Variants in FRMD4B observed in about 807,000 individuals in gnomAD.
The protein encoded by FRMD4B is FERM domain containing 4B.
A neutral mutation model predicts 141.5 loss-of-function variants in FRMD4B; 74 were observed. The observed-to-expected ratio is 0.52, with a 90% confidence interval of 0.43 to 0.63. The LOEUF is 0.63. Among genes scored for constraint, FRMD4B ranks in the 30% least tolerant of loss-of-function variants. The pLI, the probability that FRMD4B is intolerant of heterozygous loss-of-function variation, is 0.00. For synonymous variants in FRMD4B, 506 were observed against 467.9 expected, an observed-to-expected ratio of 1.08 and a Z score of -1.05; for missense variants, 1,366 against 1,253.4, an observed-to-expected ratio of 1.09 and a Z score of -1.36.
chr3:69,200,068 T>G (rs934946666), intron 11 of FRMD4B, among the ~76,000 whole-genome samples: 3 of 152,208 alleles, frequency 2.0e-5, no homozygotes, highest in Admixed American at 1.3e-4. Flanking sequence ...TTTTTAATAG[T>G]CTATACAATA....
chr3:69,447,389 T>C (rs1705425003), intron 1 of FRMD4B, among the ~76,000 whole-genome samples: 1 of 152,234 alleles, frequency 6.6e-6, no homozygotes. Context: ...CATACTAATG[T>C]ACCAATAACA....
At position 69,224,660 on chromosome 3, in the gene FRMD4B, T is replaced by C. The variant is rs1434728609; in HGVS notation, c.612A>G (p.Thr204=). 2 of 1,577,990 alleles carry C rather than the reference T, an allele frequency of 1.3e-6. No individual in the cohort carries two copies. The highest frequency in any genetic ancestry group is 1.1e-5 in the South Asian group (1 of 87,082). The change falls in exon 8 of 23, where the codon ACA becomes ACG. Residue 204 remains threonine, a synonymous_variant. Coordinates refer to ENST00000398540, the MANE Select transcript of FRMD4B (RefSeq NM_015123.3). ...SDENARKDLK[T]LPAFPTKTLQ... is the part of the protein sequence containing the mutation. The stretch of plus-strand genomic sequence containing the variant: ...GAGTTTTGGTTGGAAAGGCTGGTAA[T>C]GTCTTTAAATCTTTCCTGGCATTTT...
At chr3:69,175,366 T>G (rs1214483544) in intron 22 of FRMD4B, among the ~76,000 whole-genome samples, 1 of 152,126 alleles carries the variant, frequency 6.6e-6, no homozygotes, top group Admixed American at 6.5e-5. Flanking sequence ...TAACAAGAAT[T>G]TTTTTAAAAA....
At chr3:69,242,508 TTTTTTTTTTTTTTTTG>T in intron 7 of FRMD4B, among the ~76,000 whole-genome samples, 1 of 118,808 alleles carries the variant, frequency 8.4e-6, no homozygotes, top group African/African-American at 3.6e-5. Context: ...TTTTTTTTTT[TTTTTTTTTTTTTTTTG>T]TAGCACAGCT....
chr3:69,389,605 G>A (rs533526611), upstream of FRMD4B, among the ~76,000 whole-genome samples: 2 of 152,290 alleles, frequency 1.3e-5, no homozygotes, highest in African/African-American at 4.8e-5. Flanking sequence ...AAACACTGAT[G>A]CTTTTTTTCT....
intron 2 of FRMD4B, among the ~76,000 whole-genome samples, chr3:69,400,912 C>T (rs775327759): frequency 5.9e-5 from 9 of 152,136 alleles, no homozygotes; most frequent in Non-Finnish European, 1.0e-4. Context: ...GATTTGTTCC[C>T]TGTTCGTATT....
intron 5 of FRMD4B, among the ~76,000 whole-genome samples, chr3:69,261,979 T>A (rs2093530259): frequency 6.6e-6 from 1 of 151,676 alleles, no homozygotes; most frequent in South Asian, 2.1e-4. Flanking sequence ...CTATTTTTAT[T>A]TTTTTAAGAC....
At chr3:69,504,043 C>A (rs759247796) in intron 1 of FRMD4B, among the ~76,000 whole-genome samples, 3 of 152,172 alleles carry the variant, frequency 2.0e-5, no homozygotes, top group Admixed American at 1.3e-4. Context: ...AAAAATTGTC[C>A]ATACTCCTAC....
intron 5 of FRMD4B, among the ~76,000 whole-genome samples, chr3:69,270,360 G>T (rs1349556840): frequency 6.6e-6 from 1 of 152,186 alleles, no homozygotes; most frequent in Non-Finnish European, 1.5e-5. Context: ...AAGCACTGCA[G>T]GAAGGAAAAT....
chr3:69,192,563 A>C (rs1010739901), intron 17 of FRMD4B, among the ~76,000 whole-genome samples: 1 of 149,494 alleles, frequency 6.7e-6, no homozygotes, highest in African/African-American at 2.5e-5. Context: ...GGGATTTCTA[A>C]GTTTATGTTT....
chr3:69,228,659 A>C, intron 7 of FRMD4B: 1 of 336,948 alleles, frequency 3.0e-6, no homozygotes, highest in South Asian at 2.4e-5. Flanking sequence ...ACACAGTGAG[A>C]CCTTGTTTCT....
At position 69,180,893 on chromosome 3, in the gene FRMD4B, T is replaced by C; in HGVS notation, c.2851+6A>G. The stretch of plus-strand genomic sequence containing the variant: ...CAGGTGTTGCGTGTTTTTACAGTAT[T>C]CTCACCTGAAGAGTACGAGGATGCA... On this transcript the variant is annotated splice_donor_region_variant and intron_variant, in intron 21 of 22. Transcript: ENST00000398540. 1 of 1,567,594 alleles carries C rather than the reference T, an allele frequency of 6.4e-7. No homozygotes were observed. Among genetic ancestry groups the C allele is most frequent in the Middle Eastern group, 1.7e-4 (1 of 5,842 alleles).
chr3:69,537,598 C>A (rs1221597542), intron 1 of FRMD4B, among the ~76,000 whole-genome samples: 1 of 152,186 alleles, frequency 6.6e-6, no homozygotes, highest in Non-Finnish European at 1.5e-5. Context: ...ATATATCTGC[C>A]TTTTTCTTCT....
At chr3:69,381,927 T>C (rs1704128938) in intron 1 of FRMD4B, among the ~76,000 whole-genome samples, 1 of 152,238 alleles carries the variant, frequency 6.6e-6, no homozygotes, top group South Asian at 2.1e-4. Flanking sequence ...CCTTCCCCTC[T>C]AGCCTCAGCA....
chr3:69,178,298 T>C (rs1355519202), intron 21 of FRMD4B, among the ~76,000 whole-genome samples: 1 of 151,880 alleles, frequency 6.6e-6, no homozygotes, highest in Non-Finnish European at 1.5e-5. Flanking sequence ...CATGAGGTGT[T>C]GACTAACAGA....
At chr3:69,245,964 A>G (rs2093423226) in intron 7 of FRMD4B, among the ~76,000 whole-genome samples, 1 of 149,824 alleles carries the variant, frequency 6.7e-6, no homozygotes, top group South Asian at 2.1e-4. Flanking sequence ...CAGCCTCCCA[A>G]GTAGCTGGGA....
rs114519945 is a variant in FRMD4B, at chr3:69,400,063, C to T, written c.-1+32571G>A. Among the ~76,000 whole-genome samples, 326 of 152,146 alleles carry T rather than the reference C, an allele frequency of 2.1e-3. 2 individuals are homozygous for T. Among genetic ancestry groups the T allele is most frequent in the African/African-American group, 7.4e-3 (308 of 41,498 alleles). On this transcript the variant is annotated intron_variant, in intron 2 of 5. Transcript: ENST00000459638. ...ATGGAAATGTAAAAGCTATGAGTGACCCTACAAAAGGAAAGTCTTTCCTTG... is the reference window on the plus strand; with the variant it reads ...ATGGAAATGTAAAAGCTATGAGTGATCCTACAAAAGGAAAGTCTTTCCTTG...
intron 5 of FRMD4B, among the ~76,000 whole-genome samples, chr3:69,258,662 C>T (rs933486097): frequency 6.6e-6 from 1 of 152,014 alleles, no homozygotes; most frequent in Non-Finnish European, 1.5e-5. Context: ...ATTTGAGAAC[C>T]TCTGTTTGAT....
At chr3:69,190,683 G>C (rs923214295) in intron 17 of FRMD4B, among the ~76,000 whole-genome samples, 6 of 152,158 alleles carry the variant, frequency 3.9e-5, no homozygotes, top group Non-Finnish European at 7.4e-5. Flanking sequence ...CCAAAGTACT[G>C]GGATTAAAGG....
Sources: allele counts gnomAD v4.1 joint callset (sites outside exome capture counted in the v4.1 genomes callset), GRCh38; gene constraint gnomAD v4.1.1; transcripts MANE v1.5; gene names NCBI Gene and HGNC (gene_info 2026-07-23, HGNC 2026-07-21).